Variants in SCARA5 observed in about 807,000 individuals in gnomAD.
SCARA5 encodes scavenger receptor class A, member 5 (putative).
A neutral mutation model predicts 46.3 loss-of-function variants in SCARA5; 45 were observed. The ratio of observed to expected loss-of-function variants is 0.97; its 90% confidence interval spans 0.76 to 1.24. The LOEUF (loss-of-function observed/expected upper bound fraction) is 1.24. Ranked by LOEUF, SCARA5 falls within the 50% of genes most tolerant of loss-of-function variation. The pLI is 0.00. For missense variants in SCARA5, 680 were observed against 689.0 expected (o/e 0.99, Z 0.15); for synonymous variants, 333 against 306.5 (o/e 1.09, Z -0.90).
chr8:27,942,328 C>T (rs991377898), intron 3 of SCARA5, among the ~76,000 whole-genome samples: 15 of 152,172 alleles, frequency 9.9e-5, no homozygotes, highest in Non-Finnish European at 2.2e-4. Context: ...ACGATGGTGG[C>T]CCCCACTACT....
chr8:27,967,642 G>A (rs1277496709), intron 2 of SCARA5, among the ~76,000 whole-genome samples: 1 of 152,216 alleles, frequency 6.6e-6, no homozygotes, highest in Non-Finnish European at 1.5e-5. Flanking sequence ...GCCAGGCACG[G>A]TGGCTCACAC....
intron 3 of SCARA5, among the ~76,000 whole-genome samples, chr8:27,965,754 A>G (rs1429172687): frequency 6.6e-6 from 1 of 152,184 alleles, no homozygotes; most frequent in African/African-American, 2.4e-5. Flanking sequence ...GAGTCAGGAG[A>G]AGACCACTAC....
intron 3 of SCARA5, among the ~76,000 whole-genome samples, chr8:27,937,783 G>C (rs936765005): frequency 6.6e-6 from 1 of 152,082 alleles, no homozygotes; most frequent in Non-Finnish European, 1.5e-5. Context: ...CCCTCCCACA[G>C]TGCTTCCTCT....
intron 8 of SCARA5, among the ~76,000 whole-genome samples, chr8:27,877,853 T>C (rs1352338096): frequency 1.3e-5 from 2 of 152,142 alleles, no homozygotes; most frequent in African/African-American, 4.8e-5. Context: ...TTTCAGTCAA[T>C]TACCAATGAG....
intron 2 of SCARA5, among the ~76,000 whole-genome samples, chr8:27,986,251 G>A (rs2129985154): frequency 6.6e-6 from 1 of 152,278 alleles, no homozygotes; most frequent in East Asian, 1.9e-4. Flanking sequence ...ACACAAATAG[G>A]AATATCTTTC....
chr8:27,936,928 T>C (rs1171244222), intron 3 of SCARA5, among the ~76,000 whole-genome samples: 3 of 152,214 alleles, frequency 2.0e-5, no homozygotes, highest in Non-Finnish European at 4.4e-5. Flanking sequence ...TGCTGTTTAC[T>C]GTGCAAATGG....
chr8:27,898,462 C>T (rs1321975329), intron 7 of SCARA5, among the ~76,000 whole-genome samples: 1 of 152,202 alleles, frequency 6.6e-6, no homozygotes, highest in African/African-American at 2.4e-5. Flanking sequence ...GAGGTGAAAA[C>T]AGGACTTGGA....
chr8:27,971,272 A>G (rs918928870), intron 2 of SCARA5, among the ~76,000 whole-genome samples: 2 of 152,248 alleles, frequency 1.3e-5, no homozygotes, highest in Non-Finnish European at 2.9e-5. Flanking sequence ...ACAGGTGGCG[A>G]TGCACTCGGT....
intron 7 of SCARA5, among the ~76,000 whole-genome samples, chr8:27,896,929 T>C (rs531379297): frequency 6.6e-6 from 1 of 152,116 alleles, no homozygotes; most frequent in South Asian, 2.1e-4. Flanking sequence ...CTGCCTCTAC[T>C]AAAAGTACAA....
At position 27,992,239 on chromosome 8, in the gene SCARA5, AT is replaced by A. The variant is rs1401317289; in HGVS notation, c.-16+17del. On this transcript the variant is annotated intron_variant, in intron 1 of 8. Coordinates refer to ENST00000354914, the MANE Select transcript of SCARA5 (RefSeq NM_173833.6). ...CAGCATGCCCAGGAGATAGGACAAA[AT>A]TAGTACCAAGACTCACCTGAGTGCC... 3 of 152,350 alleles carry A rather than the reference AT, an allele frequency of 2.0e-5. No individual in the cohort carries two copies. Among genetic ancestry groups the A allele is most frequent in the African/African-American group, 7.2e-5 (3 of 41,546 alleles). The allele number at this position is 152,350 out of a possible 1,614,324, so 9.4% of individuals were successfully genotyped here.
At chr8:27,919,274 G>A (rs996327436) in intron 4 of SCARA5, among the ~76,000 whole-genome samples, 21 of 141,538 alleles carry the variant, frequency 1.5e-4, no homozygotes, top group African/African-American at 6.3e-4. Context: ...AGGAAGAGAA[G>A]AGGTGAAGGA....
At chr8:27,964,713 C>T (rs1046720128) in intron 3 of SCARA5, among the ~76,000 whole-genome samples, 3 of 152,022 alleles carry the variant, frequency 2.0e-5, no homozygotes, top group African/African-American at 4.8e-5. Context: ...AGAAGAGAAC[C>T]GTCACTCCAC....
intron 3 of SCARA5, among the ~76,000 whole-genome samples, chr8:27,940,134 G>A (rs984692237): frequency 1.3e-5 from 2 of 152,278 alleles, no homozygotes; most frequent in East Asian, 3.9e-4. Flanking sequence ...CATAGCTTTC[G>A]GTTGGAGCAG....
intron 6 of SCARA5, 113 bp from the exon 7 acceptor site, chr8:27,904,947 G>T: frequency 1.1e-6 from 1 of 947,654 alleles, no homozygotes; most frequent in Non-Finnish European, 1.6e-6. Context: ...TCAGGCAGGA[G>T]CCAGCAGCAA....
chr8:27,947,691 C>A (rs1194025776), intron 3 of SCARA5, among the ~76,000 whole-genome samples: 1 of 141,682 alleles, frequency 7.1e-6, no homozygotes, highest in African/African-American at 2.7e-5. Context: ...CTGAACATGG[C>A]GAAACCGTGT....
chr8:27,953,171 G>A (rs977278310), intron 3 of SCARA5, among the ~76,000 whole-genome samples: 2 of 152,216 alleles, frequency 1.3e-5, no homozygotes, highest in Non-Finnish European at 2.9e-5. Flanking sequence ...AACCCAGGGG[G>A]CCAGGACATT....
chr8:27,887,762 C>A (rs1806920830), intron 7 of SCARA5, among the ~76,000 whole-genome samples: 1 of 152,074 alleles, frequency 6.6e-6, no homozygotes, highest in Non-Finnish European at 1.5e-5. Flanking sequence ...TGCTAGGCCC[C>A]CAAACATGGA....
intron 3 of SCARA5, among the ~76,000 whole-genome samples, chr8:27,951,376 C>T (rs76307732): frequency 0.015 from 2,333 of 152,292 alleles, 46 homozygotes; most frequent in East Asian, 0.054. Context: ...CTCTGAAGGT[C>T]CAGCCCAGAA....
intron 5 of SCARA5, among the ~76,000 whole-genome samples, chr8:27,908,735 G>A (rs13282446): frequency 0.21 from 31,481 of 151,854 alleles, 3,746 homozygotes; most frequent in Middle Eastern, 0.29. Flanking sequence ...CTTATGATTC[G>A]CTAGGGCAGA....
Sources: gnomAD v4.1 joint callset for allele counts (sites outside exome capture counted in the v4.1 genomes callset) on GRCh38, gnomAD v4.1.1 for gene constraint, MANE v1.5 for transcripts, NCBI Gene and HGNC (gene_info 2026-07-23, HGNC 2026-07-21) for gene names.